AGMO: variants seen among roughly 807,000 people sequenced by gnomAD.
The protein encoded by AGMO is glyceryl-ether monooxygenase.
AGMO carries 75 observed loss-of-function variants against 60.2 expected under a neutral mutation model. The observed-to-expected ratio is 1.25, with a 90% CI of 1.03 to 1.51. AGMO has a LOEUF of 1.51. AGMO is among the 40% of genes most tolerant of loss of function. The pLI is 0.00. For missense variants in AGMO, 763 were observed against 525.5 expected, an observed-to-expected ratio of 1.45 and a Z score of -4.42; for synonymous variants, 261 against 177.1, an observed-to-expected ratio of 1.47 and a Z score of -3.76.
intron 5 of AGMO, among the ~76,000 whole-genome samples, chr7:15,402,378 TTATC>T (rs1466159502): frequency 1.3e-5 from 2 of 151,618 alleles, no homozygotes; most frequent in African/African-American, 2.4e-5. Context: ...TCCATCTATC[TTATC>T]TATCTAAACG....
intron 3 of AGMO, among the ~76,000 whole-genome samples, chr7:15,495,130 C>A (rs1039630943): frequency 4.6e-5 from 7 of 151,976 alleles, no homozygotes; most frequent in Non-Finnish European, 7.4e-5. Flanking sequence ...TAATATAAAC[C>A]CCCATCATGA....
rs1158543756 is a variant in AGMO, at chr7:15,483,593, ACAAAC to A, written c.410-52490_410-52486del. Among the ~76,000 whole-genome samples the A allele has an allele frequency of 1.2e-3, 175 of 151,820 alleles. 3 individuals carry two copies. The East Asian group carries it at 0.014, about 12-fold the overall frequency. On this transcript the variant is annotated intron_variant, in intron 3 of 12. Transcript: ENST00000342526. ...TCAAAACAAACAAACAAACAAACAA[ACAAAC>A]AAAAAACCATAAAATTTCTAGGACT...
chr7:15,292,827 G>A (rs1784311245), intron 12 of AGMO, among the ~76,000 whole-genome samples: 2 of 134,034 alleles, frequency 1.5e-5, no homozygotes, highest in Non-Finnish European at 1.5e-5. Context: ...GCGTGATCTC[G>A]GCTCACTGCA....
At chr7:15,488,548 T>A (rs1410579213) in intron 3 of AGMO, among the ~76,000 whole-genome samples, 1 of 152,166 alleles carries the variant, frequency 6.6e-6, no homozygotes, top group Non-Finnish European at 1.5e-5. Flanking sequence ...CCTCATTTCA[T>A]CATCTGTTTG....
At chr7:15,443,653 A>G (rs577799150) in intron 3 of AGMO, among the ~76,000 whole-genome samples, 103 of 152,190 alleles carry the variant, frequency 6.8e-4, no homozygotes, top group Non-Finnish European at 1.1e-3. Context: ...CTCAAAATCT[A>G]GTGCAGGCAT....
At chr7:15,208,922 C>G (rs1025698260) in intron 12 of AGMO, among the ~76,000 whole-genome samples, 2 of 152,154 alleles carry the variant, frequency 1.3e-5, no homozygotes, top group Non-Finnish European at 2.9e-5. Flanking sequence ...ATGAGAAACA[C>G]GACATTTAAT....
intron 3 of AGMO, among the ~76,000 whole-genome samples, chr7:15,506,502 G>C (rs902088036): frequency 6.6e-6 from 1 of 151,968 alleles, no homozygotes; most frequent in South Asian, 2.1e-4. Flanking sequence ...ATTACTCCCT[G>C]ATAGATAACT....
chr7:15,240,719 A>C (rs1782565021), intron 12 of AGMO, among the ~76,000 whole-genome samples: 1 of 152,174 alleles, frequency 6.6e-6, no homozygotes, highest in Admixed American at 6.5e-5. Flanking sequence ...CTATAGGGCA[A>C]TTTTCAGAGA....
the AGMO span, among the ~76,000 whole-genome samples, chr7:15,162,585 C>T: frequency 1.3e-5 from 2 of 152,084 alleles, no homozygotes; most frequent in African/African-American, 4.8e-5. Context: ...TCCCAGTAAC[C>T]CAGGAGGCTG....
chr7:15,130,158 A>C, the AGMO span, among the ~76,000 whole-genome samples: 12 of 152,112 alleles, frequency 7.9e-5, no homozygotes, highest in Non-Finnish European at 1.8e-4. Context: ...ATATATTTAA[A>C]ATTGCTCTCT....
chr7:15,161,505 T>C, the AGMO span, among the ~76,000 whole-genome samples: 1 of 151,548 alleles, frequency 6.6e-6, no homozygotes, highest in Non-Finnish European at 1.5e-5. Flanking sequence ...CACACATATG[T>C]CATATATGTA....
At chr7:15,384,511 T>TA (rs1253522830) in intron 10 of AGMO, among the ~76,000 whole-genome samples, 2 of 152,290 alleles carry the variant, frequency 1.3e-5, no homozygotes, top group Non-Finnish European at 2.9e-5. Context: ...TTAAGTGTCC[T>TA]ATACACCTTA....
chr7:15,262,538 C>T (rs115801360), intron 12 of AGMO, among the ~76,000 whole-genome samples: 2,305 of 152,046 alleles, frequency 0.015, 58 homozygotes, highest in African/African-American at 0.054. Context: ...GACCATACTG[C>T]CAATAGCAGT....
the AGMO span, among the ~76,000 whole-genome samples, chr7:15,124,303 A>G: frequency 6.6e-6 from 1 of 151,962 alleles, no homozygotes; most frequent in Non-Finnish European, 1.5e-5. Flanking sequence ...TGTGGTAGCC[A>G]TGGTGCCTCC....
intron 5 of AGMO, among the ~76,000 whole-genome samples, chr7:15,404,730 A>C (rs10253669): frequency 0.11 from 16,025 of 151,810 alleles, 1,309 homozygotes; most frequent in African/African-American, 0.22. Flanking sequence ...TCTAAAGCTC[A>C]CTGTATTGTG....
At position 15,308,455 on chromosome 7, in the gene AGMO, A is replaced by G. The variant is rs536023362; in HGVS notation, c.1263+57059T>C. On this transcript the variant is annotated intron_variant, in intron 12 of 12. Transcript: ENST00000342526. The stretch of plus-strand genomic sequence containing the variant: ...TATACTCTTACAGCGTTTGCTTACT[A>G]TCTACCTACATCATGGTGTTTTTCA... Among the ~76,000 whole-genome samples the G allele has an allele frequency of 2.6e-5, 4 of 152,048 alleles. No individual in the cohort carries two copies. In the South Asian group the frequency reaches 6.2e-4, roughly 24 times the overall value.
intron 3 of AGMO, among the ~76,000 whole-genome samples, chr7:15,489,493 C>T (rs1460878390): frequency 6.6e-6 from 1 of 152,158 alleles, no homozygotes; most frequent in Non-Finnish European, 1.5e-5. Flanking sequence ...TTTGTCCTCC[C>T]TCCAACCTGC....
intron 3 of AGMO, among the ~76,000 whole-genome samples, chr7:15,464,303 T>A (rs1355215667): frequency 6.6e-6 from 1 of 152,150 alleles, no homozygotes; most frequent in Non-Finnish European, 1.5e-5. Flanking sequence ...TTGCCATAAA[T>A]AAACTAGATG....
the AGMO span, among the ~76,000 whole-genome samples, chr7:15,173,058 T>C: frequency 1.3e-5 from 2 of 152,200 alleles, no homozygotes; most frequent in South Asian, 4.1e-4. Context: ...TTTTACTAAA[T>C]CTGTTTTCTT....
Sources: allele counts gnomAD v4.1 joint callset (sites outside exome capture counted in the v4.1 genomes callset), GRCh38; gene constraint gnomAD v4.1.1; transcripts MANE v1.5; gene names NCBI Gene and HGNC (gene_info 2026-07-23, HGNC 2026-07-21).